ZFHX4: variants seen among roughly 807,000 people sequenced by gnomAD.
ZFHX4 encodes zinc finger homeobox 4, also known as zinc finger homeobox protein 4.
Under a neutral mutation model 267.6 loss-of-function variants are expected in ZFHX4, and 56 were observed. The observed-to-expected ratio is 0.21, with a 90% CI of 0.17 to 0.26. ZFHX4 has a LOEUF of 0.26. Among genes scored for constraint, ZFHX4 ranks in the 10% least tolerant of loss-of-function variants. The pLI is 1.00. For missense variants in ZFHX4, 4,332 were observed against 4,420.0 expected, an observed-to-expected ratio of 0.98 and a Z score of 0.56; for synonymous variants, 1,778 against 1,665.6, an observed-to-expected ratio of 1.07 and a Z score of -1.64.
intron 3 of ZFHX4, among the ~76,000 whole-genome samples, chr8:76,733,023 C>A (rs990085275): frequency 4.6e-5 from 7 of 152,180 alleles, no homozygotes; most frequent in African/African-American, 1.7e-4. Flanking sequence ...TGTGGAGAGG[C>A]CTGGAATCAT....
At chr8:76,688,348 G>A (rs1394605206) in intron 1 of ZFHX4, among the ~76,000 whole-genome samples, 3 of 152,060 alleles carry the variant, frequency 2.0e-5, no homozygotes, top group Non-Finnish European at 4.4e-5. Context: ...CTGACTTTTG[G>A]CAATGTTAAG....
At chr8:76,736,491 G>A (rs1490474927) in intron 3 of ZFHX4, among the ~76,000 whole-genome samples, 1 of 152,038 alleles carries the variant, frequency 6.6e-6, no homozygotes, top group Non-Finnish European at 1.5e-5. Flanking sequence ...ATAAAAATCT[G>A]GGCCATATTC....
chr8:76,752,487 C>CAAAAAAAAAAAAAAA (rs144149879), intron 3 of ZFHX4, among the ~76,000 whole-genome samples: 3 of 70,960 alleles, frequency 4.2e-5, no homozygotes, highest in East Asian at 3.1e-4. Context: ...ACCAAAAATC[C>CAAAAAAAAAAAAAAA]AAAAAAAAAA....
chr8:76,716,444 G>A (rs1585876992), intron 3 of ZFHX4, among the ~76,000 whole-genome samples: 2 of 152,234 alleles, frequency 1.3e-5, no homozygotes, highest in East Asian at 3.9e-4. Context: ...TGACATATGA[G>A]GAAACAGATT....
rs938478419 is a variant in ZFHX4, at chr8:76,750,730, A to G, written c.3094-27478A>G. On this transcript the variant is annotated intron_variant, in intron 3 of 10. Transcript: ENST00000651372. Reference sequence around the variant, plus strand: ...TAGTTCTTCAACAAGTTTTTATTAAATATAGCAGTTAACAAGTGAAAAAAA... The same window carrying G: ...TAGTTCTTCAACAAGTTTTTATTAAGTATAGCAGTTAACAAGTGAAAAAAA... Among the ~76,000 whole-genome samples the G allele has an allele frequency of 1.1e-4, 17 of 152,240 alleles. 1 individual carries two copies. The highest frequency in any genetic ancestry group is 4.1e-4 in the African/African-American group (17 of 41,572).
chr8:76,801,065 C>A (rs997260563), intron 4 of ZFHX4, among the ~76,000 whole-genome samples: 1 of 151,984 alleles, frequency 6.6e-6, no homozygotes, highest in African/African-American at 2.4e-5. Context: ...TTTCCGATGG[C>A]CAAAATTACC....
intron 4 of ZFHX4, among the ~76,000 whole-genome samples, chr8:76,830,195 C>G (rs1465042475): frequency 6.6e-6 from 1 of 152,126 alleles, no homozygotes; most frequent in Non-Finnish European, 1.5e-5. Context: ...GATCAATACA[C>G]TATTCCACAG....
intron 6 of ZFHX4, among the ~76,000 whole-genome samples, chr8:76,848,757 C>A (rs755032193): frequency 1.3e-5 from 2 of 152,032 alleles, no homozygotes; most frequent in Non-Finnish European, 2.9e-5. Context: ...TCCAGGCCAC[C>A]TAGGGTTATC....
rs746231447 is a variant in ZFHX4, at chr8:76,851,069, A to G, written c.4148A>G (p.Lys1383Arg). 1.9e-6 allele frequency: 3 copies of G among 1,613,972 alleles called. No homozygotes were observed. The Admixed American group carries it at 5.0e-5, about 27-fold the overall frequency. ...CAAGATCAATTAAATGAACAGCAAAAAAGGCAACCGCTCTCTGTTTCTGAC... is the reference window on the plus strand; with the variant it reads ...CAAGATCAATTAAATGAACAGCAAAGAAGGCAACCGCTCTCTGTTTCTGAC... The part of the protein sequence containing the change: ...TLQDQLNEQQ[K>R]RQPLSVSDRH... Residue 1383 changes from lysine (K) to arginine (R), a missense_variant, in exon 10 of 11, where the codon AAA becomes AGA. Lys to Arg is a conservative substitution (Grantham distance 26, BLOSUM62 2). This residue lies in a region of ZFHX4 where 1,371 missense variants were observed against 1,423.1 expected (regional missense o/e 0.96). Coordinates refer to ENST00000651372, the MANE Select transcript of ZFHX4 (RefSeq NM_024721.5).
chr8:76,850,152 A>ATGTAAGTG lies in ZFHX4; in HGVS notation c.3847-92_3847-85dup, dbSNP rs1334008496. On this transcript the variant is annotated intron_variant, in intron 8 of 10. Coordinates refer to ENST00000651372, the MANE Select transcript of ZFHX4 (RefSeq NM_024721.5). ...TCCCTGCTTTGGCTAAAATAAACAAATGTAAGTGGGATATGCTACCAGCAA... is the reference window on the plus strand; with the variant it reads ...TCCCTGCTTTGGCTAAAATAAACAAATGTAAGTGTGTAAGTGGGATATGCTACCAGCAA... The ATGTAAGTG allele has an allele frequency of 3.9e-6, 4 of 1,012,750 alleles. No individual in the cohort carries two copies. In the African/African-American group the frequency reaches 6.4e-5, roughly 16 times the overall value. 62.7% of individuals were successfully genotyped at this position (1,012,750 alleles called of 1,614,324 possible). A position where few individuals can be genotyped will look rare whatever the true frequency, so the allele number is the denominator to read the frequency against.
intron 4 of ZFHX4, among the ~76,000 whole-genome samples, chr8:76,808,937 A>T (rs1218557448): frequency 6.6e-6 from 1 of 151,510 alleles, no homozygotes; most frequent in African/African-American, 2.4e-5. Context: ...TCTCTCTCAC[A>T]CACACACACA....
chr8:76,861,994 T>C (rs909056288), intron 10 of ZFHX4, among the ~76,000 whole-genome samples: 2 of 152,146 alleles, frequency 1.3e-5, no homozygotes, highest in Non-Finnish European at 2.9e-5. Flanking sequence ...CAAGAATGAA[T>C]TACTGTCAGC....
chr8:76,852,968 C>T lies in ZFHX4; in HGVS notation c.6047C>T (p.Pro2016Leu), dbSNP rs1266541899. 3.8e-6 allele frequency: 6 copies of T among 1,561,066 alleles called. No individual in the cohort carries two copies. The highest frequency in any genetic ancestry group is 3.3e-4 in the Middle Eastern group (2 of 6,022). ...PPPPPPLPPAPPQPSSMGPVK... is the reference protein window; with the variant it reads ...PPPPPPLPPALPQPSSMGPVK... ...CCTCCTCCTCCCTTGCCTCCGGCTC[C>T]TCCACAGCCTTCTTCTATGGGTCCT... Residue 2016 changes from proline (P) to leucine (L), a missense_variant, in exon 10 of 11, where the codon CCT becomes CTT. Pro to Leu is a moderately conservative substitution (Grantham distance 98). Transcript: ENST00000651372.
intron 5 of ZFHX4, among the ~76,000 whole-genome samples, chr8:76,835,161 G>T (rs1012328329): frequency 3.5e-5 from 5 of 141,038 alleles, no homozygotes; most frequent in Non-Finnish European, 7.6e-5. Flanking sequence ...GAATTCATTG[G>T]ATTTTGTATA....
intron 10 of ZFHX4, among the ~76,000 whole-genome samples, chr8:76,857,406 G>A (rs944201244): frequency 1.4e-5 from 2 of 147,600 alleles, no homozygotes; most frequent in Non-Finnish European, 3.0e-5. Context: ...AATAAGGAAA[G>A]CTTTTTTCAT....
At chr8:76,833,001 C>T (rs1811976011) in intron 4 of ZFHX4, among the ~76,000 whole-genome samples, 1 of 152,058 alleles carries the variant, frequency 6.6e-6, no homozygotes, top group Admixed American at 6.6e-5. Flanking sequence ...ATGTAATGTG[C>T]TATTGTCACT....
intron 1 of ZFHX4, among the ~76,000 whole-genome samples, chr8:76,687,679 C>T (rs1192296825): frequency 1.3e-5 from 2 of 152,056 alleles, no homozygotes; most frequent in African/African-American, 4.8e-5. Flanking sequence ...AAGAATGCCT[C>T]TACTAATAAT....
intron 9 of ZFHX4, 117 bp downstream of exon 9, chr8:76,850,479 A>G (rs1415247433): frequency 1.2e-6 from 1 of 840,554 alleles, no homozygotes; most frequent in African/African-American, 1.7e-5. Context: ...GGAAAAATGT[A>G]TGCCATTTCA....
chr8:76,730,882 T>C (rs1808991373), intron 3 of ZFHX4, among the ~76,000 whole-genome samples: 1 of 152,136 alleles, frequency 6.6e-6, no homozygotes, highest in African/African-American at 2.4e-5. Context: ...TAGCGAGGAA[T>C]GTTTTACGTC....
Sources: allele counts gnomAD v4.1 joint callset (sites outside exome capture counted in the v4.1 genomes callset), GRCh38; gene constraint gnomAD v4.1.1; regional missense constraint gnomAD v4.1.1; transcripts MANE v1.5; gene names NCBI Gene and HGNC (gene_info 2026-07-23, HGNC 2026-07-21).